ETNPPL: variants seen among roughly 807,000 people sequenced by gnomAD.
The protein encoded by ETNPPL is alanine--glyoxylate aminotransferase 2-like 1.
ETNPPL carries 30 observed loss-of-function variants against 55.5 expected under a neutral mutation model. The ratio of observed to expected loss-of-function variants is 0.54; its 90% CI spans 0.40 to 0.73. ETNPPL has a LOEUF of 0.73. ETNPPL is among the 30% of genes least tolerant of loss of function. ETNPPL has a pLI of 0.00. For synonymous variants in ETNPPL, 202 were observed against 207.2 expected (o/e 0.98, Z 0.21); for missense variants, 528 against 607.9 (o/e 0.87, Z 1.38).
chr4:108,760,113 C>G (rs1056083867), intron 2 of ETNPPL, 75 bp downstream of exon 2: 1 of 1,215,010 alleles, frequency 8.2e-7, no homozygotes, highest in Non-Finnish European at 1.2e-6. Context: ...ATTCCCCAAA[C>G]AAAAATTAAG....
At chr4:108,752,528 C>T (rs1228781025) in intron 6 of ETNPPL, among the ~76,000 whole-genome samples, 2 of 152,170 alleles carry the variant, frequency 1.3e-5, no homozygotes, top group Non-Finnish European at 2.9e-5. Context: ...CCAAGGCTCC[C>T]TTGTGGGTCT....
intron 4 of ETNPPL, among the ~76,000 whole-genome samples, chr4:108,755,571 C>T (rs1244570050): frequency 6.6e-6 from 1 of 152,134 alleles, no homozygotes; most frequent in African/African-American, 2.4e-5. Context: ...AATCCTAGCA[C>T]TTTGGGGGGC....
At chr4:108,751,223 A>G (rs992495407) in intron 6 of ETNPPL, among the ~76,000 whole-genome samples, 1 of 152,218 alleles carries the variant, frequency 6.6e-6, no homozygotes, top group Non-Finnish European at 1.5e-5. Flanking sequence ...CTGAAAATCT[A>G]GGGTACCAAT....
At position 108,743,863 on chromosome 4, in the gene ETNPPL, C is replaced by T; in HGVS notation, c.1304-7G>A. The T allele has an allele frequency of 6.3e-7, 1 of 1,595,640 alleles. No individual in the cohort carries two copies. Among genetic ancestry groups the T allele is most frequent in the Non-Finnish European group, 8.6e-7 (1 of 1,164,536 alleles). ...CCCATAGCTTCTTCTAAAACTGAAT[C>T]AAGGAAGGTATTATGGAGAAGACAA... On this transcript the variant is annotated splice_region_variant and splice_polypyrimidine_tract_variant and intron_variant, in intron 11 of 12. Transcript: ENST00000296486.
intron 3 of ETNPPL, among the ~76,000 whole-genome samples, 167 bp downstream of exon 3, chr4:108,759,582 G>A (rs1729405803): frequency 6.6e-6 from 1 of 152,094 alleles, no homozygotes; most frequent in Non-Finnish European, 1.5e-5. Flanking sequence ...AATAAAGTGG[G>A]AGAACCAGAA....
At chr4:108,754,086 GTC>G (rs1469041953) in intron 5 of ETNPPL, among the ~76,000 whole-genome samples, 1 of 148,740 alleles carries the variant, frequency 6.7e-6, no homozygotes, top group Non-Finnish European at 1.5e-5. Flanking sequence ...CGATTCTCCT[GTC>G]TCAGCCTCTC....
chr4:108,746,384 G>T lies in ETNPPL; in HGVS notation c.1303+15C>A, dbSNP rs764883787. The T allele has an allele frequency of 1.9e-6, 3 of 1,604,472 alleles. No individual in the cohort carries two copies. The South Asian group carries it at 3.4e-5, about 18-fold the overall frequency. On this transcript the variant is annotated intron_variant, in intron 11 of 12. Transcript: ENST00000296486. ...AGAGGGAACAAGAAGACATCTTAAA[G>T]ATCCATGGACCCACCTGTTAGAATC...
rs201217309 is a variant in ETNPPL, at chr4:108,752,987, C to T, written c.526G>A (p.Gly176Arg). 5 of 1,609,768 alleles carry T rather than the reference C, an allele frequency of 3.1e-6. No individual in the cohort carries two copies. Among genetic ancestry groups the T allele is most frequent in the African/African-American group, 2.7e-5 (2 of 74,682 alleles). The change falls in exon 6 of 13, where the codon GGA (glycine) becomes AGA (arginine). Residue 176 changes from glycine (G) to arginine (R), a missense_variant. Transcript: ENST00000296486. ...HVAPTPDTYR[G>R]KYREDHADSA... ...TCTGCATGGTCTTCTCTATATTTTC[C>T]TCTGTAAGTATCTGGAGTTGGTGCC... is the stretch of plus-strand genomic sequence containing the variant.
At chr4:108,747,005 G>C (rs985649132) in intron 9 of ETNPPL, among the ~76,000 whole-genome samples, 154 bp from the exon 10 acceptor site, 1 of 150,198 alleles carries the variant, frequency 6.7e-6, no homozygotes, top group Admixed American at 6.7e-5. Context: ...TCTACTTTTG[G>C]AAATAAATTA....
At chr4:108,744,465 A>G (rs1047618991) in intron 11 of ETNPPL, among the ~76,000 whole-genome samples, 1 of 152,000 alleles carries the variant, frequency 6.6e-6, no homozygotes, top group Non-Finnish European at 1.5e-5. Flanking sequence ...CCAAGCCACA[A>G]GCCACACTCT....
At chr4:108,758,377 A>G (rs1236585953) in intron 3 of ETNPPL, among the ~76,000 whole-genome samples, 1 of 152,190 alleles carries the variant, frequency 6.6e-6, no homozygotes, top group Non-Finnish European at 1.5e-5. Flanking sequence ...ATATTTAGAC[A>G]TGCATTTGCA....
intron 11 of ETNPPL, among the ~76,000 whole-genome samples, chr4:108,745,446 T>C (rs1214177933): frequency 6.6e-6 from 1 of 151,500 alleles, no homozygotes; most frequent in East Asian, 2.0e-4. Context: ...ATACAAACAT[T>C]AGCTGGGTGT....
At position 108,762,792 on chromosome 4, in the gene ETNPPL, A is replaced by ACC. The variant is rs781588695; in HGVS notation, c.56+50_56+51insGG. 1.2e-3 allele frequency: 1,871 copies of ACC among 1,595,160 alleles called. 1 individual carries two copies. The highest frequency in any genetic ancestry group is 1.8e-3 in the Middle Eastern group (11 of 6,032). On this transcript the variant is annotated intron_variant, in intron 1 of 12. Transcript: ENST00000296486. ...CCGGCTTTCTCTCTCCACCTTCTGC[A>ACC]CTCGTTATTGCCCCCTCTCTGCACT...
intron 9 of ETNPPL, among the ~76,000 whole-genome samples, chr4:108,747,595 C>T (rs1157390409): frequency 1.3e-5 from 2 of 151,804 alleles, no homozygotes; most frequent in African/African-American, 2.4e-5. Flanking sequence ...CCACCACATC[C>T]GGCCCCACCC....
At chr4:108,762,391 G>T in intron 1 of ETNPPL, 1 of 494,524 alleles carries the variant, frequency 2.0e-6, no homozygotes, top group Non-Finnish European at 4.0e-6. Context: ...CTCACTTTAA[G>T]TAAAAATTGT....
intron 8 of ETNPPL, 35 bp downstream of exon 8, chr4:108,749,202 TC>T (rs1240882241): frequency 6.7e-7 from 1 of 1,486,412 alleles, no homozygotes; most frequent in African/African-American, 1.4e-5. Context: ...GCATTATTTT[TC>T]CTTCTTAGCA....
intron 1 of ETNPPL, 95 bp downstream of exon 1, chr4:108,762,748 C>T: frequency 7.0e-7 from 1 of 1,426,062 alleles, no homozygotes; most frequent in Non-Finnish European, 9.9e-7. Context: ...GCGGCTGCAG[C>T]GCATCGTTTG....
intron 3 of ETNPPL, among the ~76,000 whole-genome samples, chr4:108,758,667 G>A (rs561356623): frequency 1.3e-5 from 2 of 152,354 alleles, no homozygotes; most frequent in South Asian, 4.1e-4. Flanking sequence ...GCCAGCCTGT[G>A]GGTGTTGGTG....
intron 9 of ETNPPL, among the ~76,000 whole-genome samples, chr4:108,747,148 A>ATATAAT (rs1491176665): frequency 2.8e-5 from 1 of 35,420 alleles, no homozygotes; most frequent in African/African-American, 2.1e-4. Flanking sequence ...ATATATATAT[A>ATATAAT]ATATATATAT....
Sources: allele counts gnomAD v4.1 joint callset (sites outside exome capture counted in the v4.1 genomes callset), GRCh38; gene constraint gnomAD v4.1.1; transcripts MANE v1.5; gene names NCBI Gene and HGNC (gene_info 2026-07-23, HGNC 2026-07-21).